PCOLCE2: variants seen among roughly 807,000 people sequenced by gnomAD.
PCOLCE2 encodes procollagen C-endopeptidase enhancer 2.
A neutral mutation model predicts 47.0 loss-of-function variants in PCOLCE2; 42 were observed. The ratio of observed to expected loss-of-function variants is 0.89; its 90% CI spans 0.70 to 1.16. The LOEUF (loss-of-function observed/expected upper bound fraction) is 1.16, where lower values mean the gene tolerates loss of function less well. Ranked by LOEUF, PCOLCE2 falls within the 50% of genes most tolerant of loss-of-function variation. The pLI, the probability that PCOLCE2 is intolerant of heterozygous loss-of-function variation, is 0.00. For synonymous variants in PCOLCE2, 169 were observed against 191.7 expected (o/e 0.88, Z 0.98); for missense variants, 500 against 526.1 (o/e 0.95, Z 0.49).
At chr3:142,818,503 A>T (rs765408661) in intron 8 of PCOLCE2, 38 bp from the exon 9 acceptor site, 1 of 1,519,808 alleles carries the variant, frequency 6.6e-7, no homozygotes, top group Admixed American at 1.7e-5. Flanking sequence ...CTTTTTCTCT[A>T]TGTATCATGT....
At chr3:142,829,616 A>AT (rs796956900) in intron 6 of PCOLCE2, 76 bp downstream of exon 6, 93 of 1,122,266 alleles carry the variant, frequency 8.3e-5, no homozygotes, top group Non-Finnish European at 9.7e-5. Context: ...TCTTCCTCTT[A>AT]TTTTTTTTCT....
chr3:142,856,599 A>G (rs1032688934), intron 2 of PCOLCE2, among the ~76,000 whole-genome samples: 8 of 152,244 alleles, frequency 5.3e-5, no homozygotes, highest in African/African-American at 1.9e-4. Context: ...AAGGGACAAC[A>G]AAGCCGAACC....
chr3:142,827,274 C>T lies in PCOLCE2; in HGVS notation c.865+2418G>A, dbSNP rs1937091726. 6.3e-6 allele frequency: 8 copies of T among 1,272,866 alleles called. No individual in the cohort carries two copies. In the South Asian group the frequency reaches 8.5e-5, roughly 14 times the overall value. 78.8% of individuals were successfully genotyped at this position (1,272,866 alleles called of 1,614,324 possible). On this transcript the variant is annotated intron_variant, in intron 6 of 8. Transcript: ENST00000295992. ...ATAGGGTTCATGGCCACATCCCATA[C>T]TCGTGGCCACCAGTTCCTCTTTGCC... is the stretch of plus-strand genomic sequence containing the variant.
In PCOLCE2 at chr3:142,852,682, T is replaced by C. The variant is rs1338182396; in HGVS notation, c.193-4210A>G. On this transcript the variant is annotated intron_variant, in intron 2 of 8. Transcript: ENST00000295992. ...GTGTGTGTGTGTGTGTGTATTTATA[T>C]ATATTTATGTATGTGTGTATATACA... is the stretch of plus-strand genomic sequence containing the variant. Among the ~76,000 whole-genome samples, 3 of 149,634 alleles carry C rather than the reference T, an allele frequency of 2.0e-5. No homozygotes were observed. The East Asian group carries it at 5.8e-4, about 29-fold the overall frequency.
intron 2 of PCOLCE2, among the ~76,000 whole-genome samples, chr3:142,871,298 T>C (rs745859384): frequency 6.6e-6 from 1 of 152,228 alleles, no homozygotes; most frequent in Non-Finnish European, 1.5e-5. Flanking sequence ...GGCTCCCAGC[T>C]GCTCTCCCTT....
At chr3:142,823,430 G>A (rs978640625) in intron 7 of PCOLCE2, 102 bp downstream of exon 7, 63 of 712,442 alleles carry the variant, frequency 8.8e-5, no homozygotes, top group Middle Eastern at 7.3e-4. Flanking sequence ...AATGAGCAGC[G>A]TTATTGACCC....
At chr3:142,822,632 A>C (rs1937028114) in intron 7 of PCOLCE2, among the ~76,000 whole-genome samples, 1 of 152,170 alleles carries the variant, frequency 6.6e-6, no homozygotes, top group South Asian at 2.1e-4. Context: ...CAGAAGAGTA[A>C]ACTGGATGTG....
chr3:142,829,061 T>C (rs1471061987), intron 6 of PCOLCE2, among the ~76,000 whole-genome samples: 1 of 152,146 alleles, frequency 6.6e-6, no homozygotes, highest in African/African-American at 2.4e-5. Context: ...GTTTGGATTT[T>C]TAGATCTGAG....
At chr3:142,821,410 C>A (rs1003351796) in intron 7 of PCOLCE2, among the ~76,000 whole-genome samples, 2 of 152,152 alleles carry the variant, frequency 1.3e-5, no homozygotes, top group African/African-American at 4.8e-5. Context: ...GATCTTGTAT[C>A]TTTAGAGGCA....
chr3:142,826,259 G>A (rs951756759), intron 6 of PCOLCE2, among the ~76,000 whole-genome samples: 4 of 151,894 alleles, frequency 2.6e-5, no homozygotes, highest in Non-Finnish European at 5.9e-5. Flanking sequence ...CACCCGCCTC[G>A]GCCTCCCAAA....
At chr3:142,846,135 T>C (rs1937326166) in intron 3 of PCOLCE2, among the ~76,000 whole-genome samples, 1 of 152,238 alleles carries the variant, frequency 6.6e-6, no homozygotes, top group Non-Finnish European at 1.5e-5. Flanking sequence ...ATAATGTGCA[T>C]GGGGGTGCTT....
intron 3 of PCOLCE2, among the ~76,000 whole-genome samples, chr3:142,847,541 A>G (rs181410608): frequency 1.6e-3 from 248 of 152,224 alleles, no homozygotes; most frequent in Non-Finnish European, 2.5e-3. Flanking sequence ...GTGTATATAT[A>G]TATTTGTTGT....
chr3:142,881,882 G>A (rs539425825), intron 2 of PCOLCE2, among the ~76,000 whole-genome samples: 7 of 152,228 alleles, frequency 4.6e-5, no homozygotes, highest in East Asian at 1.9e-4. Flanking sequence ...GACAACTTAC[G>A]CTTTTTTCTT....
intron 2 of PCOLCE2, among the ~76,000 whole-genome samples, chr3:142,856,063 C>T (rs1560136689): frequency 6.6e-6 from 1 of 152,144 alleles, no homozygotes; most frequent in East Asian, 1.9e-4. Context: ...TTCCTACAGG[C>T]TCTCTAGGAA....
At chr3:142,851,889 T>C (rs1397021310) in intron 2 of PCOLCE2, among the ~76,000 whole-genome samples, 1 of 152,140 alleles carries the variant, frequency 6.6e-6, no homozygotes, top group Non-Finnish European at 1.5e-5. Flanking sequence ...AGAGAGGTGT[T>C]GAAATTAACT....
chr3:142,833,982 T>C (rs1478232975), intron 5 of PCOLCE2, among the ~76,000 whole-genome samples: 1 of 152,204 alleles, frequency 6.6e-6, no homozygotes, highest in Non-Finnish European at 1.5e-5. Flanking sequence ...TTTTGTGTGA[T>C]ATTAGCTATG....
chr3:142,845,414 A>G (rs913150399), intron 3 of PCOLCE2, among the ~76,000 whole-genome samples: 2 of 152,246 alleles, frequency 1.3e-5, no homozygotes, highest in African/African-American at 4.8e-5. Context: ...GAACAGATAC[A>G]TGTAAAGAAA....
At chr3:142,847,226 CCA>C (rs967501408) in intron 3 of PCOLCE2, among the ~76,000 whole-genome samples, 11 of 152,294 alleles carry the variant, frequency 7.2e-5, no homozygotes, top group African/African-American at 2.6e-4. Flanking sequence ...GGGCTCTCCT[CCA>C]CATATGTAGA....
intron 5 of PCOLCE2, among the ~76,000 whole-genome samples, chr3:142,837,453 C>CTTAATA (rs78436463): frequency 0.39 from 58,469 of 151,620 alleles, 11,682 homozygotes; most frequent in Non-Finnish European, 0.42. Context: ...TTAAAACATT[C>CTTAATA]TTATCAATGT....
Sources: allele counts gnomAD v4.1 joint callset (sites outside exome capture counted in the v4.1 genomes callset), GRCh38; gene constraint gnomAD v4.1.1; transcripts MANE v1.5; gene names NCBI Gene and HGNC (gene_info 2026-07-23, HGNC 2026-07-21).